Variants in ADGRG7 observed in about 807,000 individuals in gnomAD.
ADGRG7 encodes the protein G-protein coupled receptor 128.
A neutral mutation model predicts 88.6 loss-of-function variants in ADGRG7; 82 were observed. The observed-to-expected ratio is 0.93, with a 90% CI of 0.77 to 1.11. ADGRG7 has a LOEUF of 1.11. Ranked by LOEUF, ADGRG7 falls within the 50% of genes most tolerant of loss-of-function variation. The probability of loss-of-function intolerance (pLI) is 0.00; values close to 1 mark genes in which losing one functional copy is unlikely to be tolerated. For synonymous variants in ADGRG7, 381 were observed against 345.2 expected (o/e 1.10, Z -1.15); for missense variants, 945 against 953.4 (o/e 0.99, Z 0.12).
chr3:100,671,987 C>T (rs1462049960), intron 15 of ADGRG7, among the ~76,000 whole-genome samples: 1 of 152,174 alleles, frequency 6.6e-6, no homozygotes, highest in Non-Finnish European at 1.5e-5. Context: ...AGTCAGGTAG[C>T]GTGATGCCTC....
intron 1 of ADGRG7, among the ~76,000 whole-genome samples, chr3:100,613,833 C>T (rs749413764): frequency 3.9e-5 from 6 of 152,086 alleles, no homozygotes; most frequent in Non-Finnish European, 8.8e-5. Context: ...TTAAAATGGA[C>T]ACTTGAGAGT....
intron 1 of ADGRG7, among the ~76,000 whole-genome samples, chr3:100,610,664 G>T (rs1707134342): frequency 6.6e-6 from 1 of 152,194 alleles, no homozygotes; most frequent in African/African-American, 2.4e-5. Flanking sequence ...CTCAGAACGC[G>T]AAATTTCAAT....
intron 11 of ADGRG7, 61 bp downstream of exon 11, chr3:100,649,868 G>A: frequency 2.1e-6 from 2 of 939,236 alleles, no homozygotes; most frequent in Non-Finnish European, 3.4e-6. Context: ...AATTTACTCT[G>A]AGAATTCTCA....
chr3:100,626,699 C>T (rs1290059139), intron 1 of ADGRG7, among the ~76,000 whole-genome samples: 3 of 152,096 alleles, frequency 2.0e-5, no homozygotes, highest in African/African-American at 4.8e-5. Context: ...GTAGAAGAAT[C>T]GCTTGAACCC....
At chr3:100,616,104 A>G (rs1707221644) in intron 1 of ADGRG7, among the ~76,000 whole-genome samples, 1 of 152,196 alleles carries the variant, frequency 6.6e-6, no homozygotes, top group Non-Finnish European at 1.5e-5. Flanking sequence ...TAATCCTAAT[A>G]CTAGTTCAAG....
intron 6 of ADGRG7, among the ~76,000 whole-genome samples, chr3:100,641,114 A>G (rs1707635297): frequency 6.6e-6 from 1 of 152,202 alleles, no homozygotes; most frequent in Admixed American, 6.5e-5. Context: ...TGTCAACCCA[A>G]AATAATCAAA....
intron 1 of ADGRG7, among the ~76,000 whole-genome samples, chr3:100,619,477 C>G (rs1305161470): frequency 6.6e-6 from 1 of 151,758 alleles, no homozygotes; most frequent in Non-Finnish European, 1.5e-5. Flanking sequence ...AATTGACACC[C>G]TAACATCACA....
At chr3:100,667,464 A>G (rs2094953378) in intron 14 of ADGRG7, among the ~76,000 whole-genome samples, 1 of 152,116 alleles carries the variant, frequency 6.6e-6, no homozygotes, top group African/African-American at 2.4e-5. Context: ...GCTCAGAATG[A>G]TGGTTTCCAG....
Position 100,649,755 on chromosome 3 carries a change from G to A in ADGRG7, c.1327G>A (p.Ala443Thr), listed in dbSNP as rs143209827. ...SLDILSNVGC[A>T]LSVTGLALTV... is the part of the protein sequence containing the mutation. Reference sequence around the variant, plus strand: ...TGACATATTATCCAACGTTGGATGTGCACTGTCTGTTACTGGTCTGGCTCT... The same window carrying A: ...TGACATATTATCCAACGTTGGATGTACACTGTCTGTTACTGGTCTGGCTCT... Residue 443 changes from alanine (A) to threonine (T), a missense_variant, in exon 11 of 16, where the codon GCA becomes ACA. Ala to Thr is a moderately conservative substitution (Grantham distance 58). Transcript: ENST00000273352. The A allele has an allele frequency of 6.3e-5, 102 of 1,611,332 alleles. No homozygotes were observed. Among genetic ancestry groups the A allele is most frequent in the Non-Finnish European group, 8.4e-5 (99 of 1,178,022 alleles).
Position 100,694,851 on chromosome 3 carries a change from T to C in ADGRG7, c.2244T>C (p.Pro748=). 6.2e-7 allele frequency: 1 copy of C among 1,614,194 alleles called. No homozygotes were observed. The part of the protein sequence containing the change: ...LSSIGRRKSL[P]SVTRPRLRVK... Reference sequence around the variant, plus strand: ...CTATTGGGAGAAGGAAGTCATTGCCTTCAGTGACGCGGCCGAGGCTGCGTG... The same window carrying C: ...CTATTGGGAGAAGGAAGTCATTGCCCTCAGTGACGCGGCCGAGGCTGCGTG... Residue 748 remains proline (P), a synonymous_variant, in exon 16 of 16, where the codon CCT becomes CCC. Transcript: ENST00000273352.
intron 15 of ADGRG7, among the ~76,000 whole-genome samples, chr3:100,690,800 G>A (rs969665811): frequency 6.6e-6 from 1 of 152,208 alleles, no homozygotes; most frequent in Non-Finnish European, 1.5e-5. Flanking sequence ...CTCCCAGTTA[G>A]GCTACTCGGG....
chr3:100,691,169 C>T (rs142678756), intron 15 of ADGRG7, among the ~76,000 whole-genome samples: 1,559 of 152,300 alleles, frequency 0.01, 26 homozygotes, highest in African/African-American at 0.036. Context: ...GACCCAGGTG[C>T]GAGATATAAT....
At chr3:100,613,860 C>G (rs1199056016) in intron 1 of ADGRG7, among the ~76,000 whole-genome samples, 1 of 152,062 alleles carries the variant, frequency 6.6e-6, no homozygotes, top group Non-Finnish European at 1.5e-5. Context: ...GAAAAATGTA[C>G]AAGAGTAGGG....
chr3:100,631,977 G>A (rs138665837), intron 3 of ADGRG7, among the ~76,000 whole-genome samples: 13 of 152,102 alleles, frequency 8.5e-5, no homozygotes, highest in East Asian at 3.9e-4. Flanking sequence ...TACTCACAGC[G>A]TAAAAGGGGC....
chr3:100,643,438 A>C (rs191874939), intron 7 of ADGRG7, 33 bp downstream of exon 7: 24 of 1,612,868 alleles, frequency 1.5e-5, no homozygotes, highest in African/African-American at 4.0e-5. Context: ...TTGTAACAGC[A>C]AAGAGCATTC....
intron 15 of ADGRG7, among the ~76,000 whole-genome samples, chr3:100,675,436 G>A (rs563985968): frequency 1.6e-4 from 25 of 152,244 alleles, no homozygotes; most frequent in African/African-American, 4.3e-4. Flanking sequence ...GCATTTCTGG[G>A]ATAAATTCTA....
intron 15 of ADGRG7, among the ~76,000 whole-genome samples, chr3:100,672,677 G>A (rs2094960254): frequency 1.3e-5 from 2 of 152,168 alleles, no homozygotes; most frequent in South Asian, 4.1e-4. Context: ...CATTCAGTAT[G>A]ATATTGGCTG....
At chr3:100,661,873 AG>A (rs2094946058) in intron 14 of ADGRG7, among the ~76,000 whole-genome samples, 2 of 152,200 alleles carry the variant, frequency 1.3e-5, no homozygotes, top group Admixed American at 6.5e-5. Context: ...ATACAAAATA[AG>A]ATTTGTCCAG....
At chr3:100,652,914 A>C (rs1413886718) in intron 11 of ADGRG7, among the ~76,000 whole-genome samples, 2 of 152,180 alleles carry the variant, frequency 1.3e-5, no homozygotes, top group East Asian at 3.8e-4. Context: ...TGAGAAGGGA[A>C]AAAAAGGCAA....
Sources: gnomAD v4.1 joint callset for allele counts (sites outside exome capture counted in the v4.1 genomes callset) on GRCh38, gnomAD v4.1.1 for gene constraint, MANE v1.5 for transcripts, NCBI Gene and HGNC (gene_info 2026-07-23, HGNC 2026-07-21) for gene names.